Variants in DYM observed in about 807,000 individuals in gnomAD.
The protein encoded by DYM is dyggve-Melchior-Clausen syndrome protein.
In DYM, 78 loss-of-function variants were observed where a neutral mutation model predicts 93.1. That is an observed-to-expected ratio of 0.84 (90% CI 0.70 to 1.01). DYM has a LOEUF of 1.01. Ranked by LOEUF, DYM falls within the 50% of genes least tolerant of loss-of-function variation. The probability of loss-of-function intolerance (pLI) is 0.00; values close to 1 mark genes in which losing one functional copy is unlikely to be tolerated. For missense variants in DYM, 789 were observed against 845.0 expected, an observed-to-expected ratio of 0.93 and a Z score of 0.82; for synonymous variants, 321 against 319.7, an observed-to-expected ratio of 1.00 and a Z score of -0.04.
At chr18:49,316,764 C>CT (rs149932329) in intron 8 of DYM, among the ~76,000 whole-genome samples, 12,120 of 149,132 alleles carry the variant, frequency 0.081, 739 homozygotes, top group East Asian at 0.31. Context: ...TACTATCTCT[C>CT]TTTTTTTTTT....
At chr18:49,244,699 CAGAAGAAGA>C (rs759630327) in intron 13 of DYM, among the ~76,000 whole-genome samples, 68 of 152,130 alleles carry the variant, frequency 4.5e-4, no homozygotes, top group Admixed American at 7.8e-4. Context: ...ACCAGCTTCA[CAGAAGAAGA>C]AGAAGAAAAA....
At chr18:49,388,382 A>G (rs1235474304) in intron 3 of DYM, among the ~76,000 whole-genome samples, 2 of 152,070 alleles carry the variant, frequency 1.3e-5, no homozygotes, top group South Asian at 2.1e-4. Context: ...AAGATGAATT[A>G]ACAGAAAATA....
intron 13 of DYM, among the ~76,000 whole-genome samples, chr18:49,213,391 G>C (rs1454278944): frequency 6.6e-6 from 1 of 151,630 alleles, no homozygotes; most frequent in Non-Finnish European, 1.5e-5. Context: ...CCGCCTCCCG[G>C]GTTCAAGCAA....
chr18:49,110,226 A>T (rs1207655100), intron 16 of DYM, among the ~76,000 whole-genome samples: 1 of 152,216 alleles, frequency 6.6e-6, no homozygotes, highest in Admixed American at 6.5e-5. Flanking sequence ...AAGTTTGAGG[A>T]CCTCTTCTTC....
intron 15 of DYM, among the ~76,000 whole-genome samples, chr18:49,127,786 C>G (rs1402923498): frequency 1.3e-5 from 2 of 152,194 alleles, no homozygotes; most frequent in African/African-American, 4.8e-5. Context: ...AAATACTGAG[C>G]TTCTGATAGA....
chr18:49,092,297 C>A (rs890267191), intron 17 of DYM, among the ~76,000 whole-genome samples: 1 of 152,154 alleles, frequency 6.6e-6, no homozygotes, highest in African/African-American at 2.4e-5. Flanking sequence ...CACAGATTTC[C>A]CCATCTGGAT....
chr18:49,101,608 G>T (rs562447153), intron 16 of DYM, among the ~76,000 whole-genome samples: 38 of 152,228 alleles, frequency 2.5e-4, no homozygotes, highest in African/African-American at 9.1e-4. Flanking sequence ...GCTAAAAATG[G>T]CCACTCTCCT....
intron 14 of DYM, among the ~76,000 whole-genome samples, chr18:49,198,436 G>C (rs2091685879): frequency 6.6e-6 from 1 of 152,140 alleles, no homozygotes; most frequent in South Asian, 2.1e-4. Context: ...CCATCAGAGT[G>C]AACAGGCAAC....
rs539488009 is a variant in DYM at position 49,092,550 on chromosome 18, G to A, written c.2025+4852C>T. 2.0e-5 allele frequency among the ~76,000 whole-genome samples: 3 copies of A among 152,332 alleles called. No individual in the cohort carries two copies. In the East Asian group the frequency reaches 5.8e-4, roughly 29 times the overall value. ...AAGATGATACATTTTTCTGAGGGCA[G>A]AGGTGGTGTCTTACACACTTCTGTT... On this transcript the variant is annotated intron_variant, in intron 17 of 17. Transcript: ENST00000675505.
rs569876853 is a variant in DYM at position 49,043,617 on chromosome 18, T to A, written c.*438A>T. The stretch of plus-strand genomic sequence containing the variant: ...TTAATGTCAAAGGAATCTCTCTCTC[T>A]CACACACACATAAGACCAAAACAAA... On this transcript the variant is annotated 3_prime_UTR_variant, in exon 18 of 18. Coordinates refer to ENST00000675505, the MANE Select transcript of DYM (RefSeq NM_001353214.3). The A allele has an allele frequency of 3.6e-4, 58 of 162,500 alleles. No individual in the cohort carries two copies. The highest frequency in any genetic ancestry group is 4.1e-4 in the Non-Finnish European group (30 of 73,768). The allele number at this position is 162,500 out of a possible 1,614,324, so 10.1% of individuals were successfully genotyped here. A position where few individuals can be genotyped will look rare whatever the true frequency, so the allele number is the denominator to read the frequency against.
intron 8 of DYM, among the ~76,000 whole-genome samples, chr18:49,312,403 A>G (rs1224032210): frequency 7.9e-5 from 12 of 152,004 alleles, no homozygotes; most frequent in Admixed American, 7.9e-4. Context: ...GGTTTTCTAC[A>G]CTGTCGTGTC....
In DYM at chr18:49,446,293, TAAAAG is replaced by T. The variant is rs1215310895; in HGVS notation, c.-54+14100_-54+14104del. On this transcript the variant is annotated intron_variant, in intron 1 of 17. Transcript: ENST00000675505. Reference sequence around the variant, plus strand: ...AAGAGAGAGAGAGAGACAGAGTTCTTAAAAGTAACTGCCTCTGAAAATGAGATTAA... The same window carrying T: ...AAGAGAGAGAGAGAGACAGAGTTCTTTAACTGCCTCTGAAAATGAGATTAA... Among the ~76,000 whole-genome samples, 3 of 152,210 alleles carry T rather than the reference TAAAAG, an allele frequency of 2.0e-5. No homozygotes were observed. The East Asian group carries it at 5.8e-4, about 29-fold the overall frequency.
chr18:49,273,619 G>C (rs549984796), intron 10 of DYM, among the ~76,000 whole-genome samples: 51 of 152,230 alleles, frequency 3.4e-4, no homozygotes, highest in African/African-American at 1.2e-3. Flanking sequence ...GCAGTATTTA[G>C]TACGGTAACA....
Position 49,277,811 on chromosome 18 carries a change from A to C in DYM, c.1125+4186T>G, listed in dbSNP as rs79962358. 3.5e-3 allele frequency among the ~76,000 whole-genome samples: 526 copies of C among 152,372 alleles called. 4 individuals carry two copies. Among genetic ancestry groups the C allele is most frequent in the African/African-American group, 0.012 (488 of 41,594 alleles). On this transcript the variant is annotated intron_variant, in intron 10 of 17. Transcript: ENST00000675505. The stretch of plus-strand genomic sequence containing the variant: ...CAGTCTATGGTATGTTTGTTAAAGC[A>C]GTCAGGCCAGACTAAATTCTGAACT...
intron 6 of DYM, among the ~76,000 whole-genome samples, chr18:49,339,395 G>C (rs79353319): frequency 6.6e-6 from 1 of 152,200 alleles, no homozygotes; most frequent in Non-Finnish European, 1.5e-5. Context: ...AAAAGTGAGA[G>C]TTATGTCACT....
At chr18:49,151,205 T>A (rs1332722739) in intron 15 of DYM, among the ~76,000 whole-genome samples, 2 of 152,214 alleles carry the variant, frequency 1.3e-5, no homozygotes, top group East Asian at 3.8e-4. Context: ...ATATCTTAAG[T>A]CTAGATAAAG....
At chr18:49,240,260 C>G (rs987437351) in intron 13 of DYM, among the ~76,000 whole-genome samples, 7 of 152,110 alleles carry the variant, frequency 4.6e-5, no homozygotes, top group African/African-American at 1.7e-4. Flanking sequence ...AGTGCTGGTT[C>G]TTATACTTTT....
chr18:49,400,562 C>A (rs1406579736), intron 2 of DYM, among the ~76,000 whole-genome samples: 8 of 152,118 alleles, frequency 5.3e-5, no homozygotes, highest in Admixed American at 2.0e-4. Flanking sequence ...CAGAAAAAAA[C>A]CACTTGGTAA....
At chr18:49,347,997 C>T (rs6507899) in intron 6 of DYM, among the ~76,000 whole-genome samples, 142,948 of 152,276 alleles carry the variant, frequency 0.94, 67,169 homozygotes, top group East Asian at 1. Flanking sequence ...TAGAACAAAC[C>T]ACTGCTGGAG....
Sources: allele counts gnomAD v4.1 joint callset (sites outside exome capture counted in the v4.1 genomes callset), GRCh38; gene constraint gnomAD v4.1.1; transcripts MANE v1.5; gene names NCBI Gene and HGNC (gene_info 2026-07-23, HGNC 2026-07-21).